BARD1: variants seen among roughly 807,000 people sequenced by gnomAD.
The protein encoded by BARD1 is BRCA1-associated RING domain protein 1.
BARD1 carries 73 observed loss-of-function variants against 77.0 expected under a neutral mutation model. The observed-to-expected ratio is 0.95, with a 90% confidence interval of 0.79 to 1.15. BARD1 has a LOEUF of 1.15. Among genes scored for constraint, BARD1 ranks in the 50% most tolerant of loss-of-function variants. The pLI is 0.00. For synonymous variants in BARD1, 384 were observed against 338.0 expected (o/e 1.14, Z -1.49); for missense variants, 993 against 938.8 (o/e 1.06, Z -0.75).
At chr2:214,783,361 A>G (rs749759875) in intron 3 of BARD1, among the ~76,000 whole-genome samples, 5 of 152,300 alleles carry the variant, frequency 3.3e-5, no homozygotes, top group Middle Eastern at 6.8e-3. Context: ...GCACATATAC[A>G]CCATGGAATA....
chr2:214,751,860 G>A (rs549841851), intron 7 of BARD1, among the ~76,000 whole-genome samples: 2 of 152,144 alleles, frequency 1.3e-5, no homozygotes, highest in South Asian at 2.1e-4. Flanking sequence ...TTTGATGCTC[G>A]CTAGTCTCCA....
chr2:214,808,371 T>C (rs529243283), intron 1 of BARD1, among the ~76,000 whole-genome samples: 3 of 152,334 alleles, frequency 2.0e-5, no homozygotes, highest in African/African-American at 7.2e-5. Context: ...ATCGTGCCAC[T>C]GCACTCCAGC....
intron 1 of BARD1, among the ~76,000 whole-genome samples, chr2:214,800,162 C>A (rs1390728328): frequency 2.0e-5 from 3 of 152,168 alleles, no homozygotes; most frequent in Non-Finnish European, 4.4e-5. Context: ...TAGTTCTTAA[C>A]CTTCACTCTA....
intron 2 of BARD1, among the ~76,000 whole-genome samples, chr2:214,794,690 C>T (rs1372657813): frequency 6.6e-6 from 1 of 152,116 alleles, no homozygotes; most frequent in Non-Finnish European, 1.5e-5. Flanking sequence ...GCACCCCTGC[C>T]ACATGTCTTA....
intron 9 of BARD1, chr2:214,730,981 TGTGCTTTAG>T (rs927980023): frequency 8.9e-6 from 4 of 451,232 alleles, no homozygotes; most frequent in African/African-American, 8.0e-5. Flanking sequence ...CATGAAGGAA[TGTGCTTTAG>T]TCTACAGCAC....
chr2:214,728,641 C>T lies in BARD1; in HGVS notation c.*35G>A. On this transcript the variant is annotated 3_prime_UTR_variant, in exon 11 of 11. Coordinates refer to ENST00000260947, the MANE Select transcript of BARD1 (RefSeq NM_000465.4). ...AATGACTGGGCTCTCACAAACCGTG[C>T]AAATTCAATTTGAAATGTTCATCTG... The T allele has an allele frequency of 6.2e-7, 1 of 1,607,626 alleles. No individual in the cohort carries two copies. The highest frequency in any genetic ancestry group is 8.5e-7 in the Non-Finnish European group (1 of 1,175,464).
intron 6 of BARD1, among the ~76,000 whole-genome samples, chr2:214,761,679 G>T (rs1693971925): frequency 6.6e-6 from 1 of 151,970 alleles, no homozygotes; most frequent in Non-Finnish European, 1.5e-5. Context: ...TGCAGAAGCT[G>T]AAAATCATTC....
At position 214,780,971 on chromosome 2, in the gene BARD1, C is replaced by T. The variant is rs1694982551; in HGVS notation, c.903G>A (p.Glu301=). The change falls in exon 4 of 11, where the codon GAG becomes GAA. Residue 301 remains glutamate (E), a synonymous_variant. Transcript: ENST00000260947. ...TKSRNEVVTP[E]KVCKNYLTSK... ...ATGTAAGATAATTTTTGCAGACCTT[C>T]TCAGGAGTCACTACTTCATTCCTGC... 6.2e-7 allele frequency: 1 copy of T among 1,613,674 alleles called. No individual in the cohort carries two copies. Among genetic ancestry groups the T allele is most frequent in the Non-Finnish European group, 8.5e-7 (1 of 1,179,774 alleles).
chr2:214,784,404 T>C (rs958253691), intron 3 of BARD1, among the ~76,000 whole-genome samples: 18 of 152,076 alleles, frequency 1.2e-4, no homozygotes, highest in African/African-American at 3.6e-4. Flanking sequence ...TGTGGAGAAA[T>C]AGAAACACAT....
chr2:214,779,611 C>T (rs17487827), intron 4 of BARD1, among the ~76,000 whole-genome samples: 2 of 151,966 alleles, frequency 1.3e-5, no homozygotes, highest in Admixed American at 6.6e-5. Flanking sequence ...AATCTTTGGA[C>T]CACACTCAAT....
chr2:214,799,130 T>C (rs971727664), intron 1 of BARD1, among the ~76,000 whole-genome samples: 1 of 151,524 alleles, frequency 6.6e-6, no homozygotes, highest in Non-Finnish European at 1.5e-5. Context: ...AATAAATAAA[T>C]AAAATTTTAA....
intron 4 of BARD1, among the ~76,000 whole-genome samples, chr2:214,778,912 A>G (rs1386084245): frequency 6.6e-6 from 1 of 152,318 alleles, no homozygotes; most frequent in East Asian, 1.9e-4. Flanking sequence ...AAAATTTCCC[A>G]GAAAGCAAAA....
At position 214,728,570 on chromosome 2, in the gene BARD1, G is replaced by GTTT. The variant is rs1692183658; in HGVS notation, c.*105_*106insAAA. The GTTT allele has an allele frequency of 1.3e-6, 1 of 786,598 alleles. No individual in the cohort carries two copies. 48.7% of individuals were successfully genotyped at this position (786,598 alleles called of 1,614,324 possible). A position where few individuals can be genotyped will look rare whatever the true frequency, so the allele number is the denominator to read the frequency against. On this transcript the variant is annotated 3_prime_UTR_variant, in exon 11 of 11. Coordinates refer to ENST00000260947, the MANE Select transcript of BARD1 (RefSeq NM_000465.4). ...TTTTTTTTGATTCAAAGACAAATATGAATGACTCTACCTATTTGTAAAAAT... is the reference window on the plus strand; with the variant it reads ...TTTTTTTTGATTCAAAGACAAATATGTTTAATGACTCTACCTATTTGTAAAAAT...
chr2:214,757,356 A>G (rs1206584956), intron 6 of BARD1, among the ~76,000 whole-genome samples: 1 of 152,054 alleles, frequency 6.6e-6, no homozygotes, highest in Non-Finnish European at 1.5e-5. Context: ...ATAATGTGGA[A>G]AATATGCTTT....
In BARD1 at chr2:214,781,155, A is replaced by G; in HGVS notation, c.719T>C (p.Val240Ala). 1 of 1,577,308 alleles carries G rather than the reference A, an allele frequency of 6.3e-7. No homozygotes were observed. Among genetic ancestry groups the G allele is most frequent in the African/African-American group, 1.4e-5 (1 of 73,034 alleles). Residue 240 changes from valine to alanine, a missense_variant, in exon 4 of 11, where the codon GTA becomes GCA. By Grantham distance (64) the Val-to-Ala change is moderately conservative. Transcript: ENST00000260947. ...DSKEESKQKLVSFCSQPSVIS... is the reference protein window; with the variant it reads ...DSKEESKQKLASFCSQPSVIS... ...AACAGATGGTTGGCTACAGAAGGAT[A>G]CCAGCTTTTGCTTAGATTCCTCTTT...
chr2:214,770,748 C>A (rs1210141358), intron 4 of BARD1, among the ~76,000 whole-genome samples: 2 of 152,092 alleles, frequency 1.3e-5, no homozygotes, highest in African/African-American at 4.8e-5. Flanking sequence ...AAATAGCTTC[C>A]CTCTGCTGCC....
intron 7 of BARD1, among the ~76,000 whole-genome samples, chr2:214,752,189 C>T (rs1693485400): frequency 6.6e-6 from 1 of 152,164 alleles, no homozygotes; most frequent in Admixed American, 6.5e-5. Context: ...TAAGCTCCTC[C>T]CTGAGAATAA....
chr2:214,767,363 T>C, intron 6 of BARD1, 119 bp downstream of exon 6: 2 of 953,852 alleles, frequency 2.1e-6, no homozygotes, highest in Non-Finnish European at 1.6e-6. Flanking sequence ...CACATCTAAT[T>C]TTAGTTGTGA....
chr2:214,740,266 T>G (rs1372121740), intron 9 of BARD1, among the ~76,000 whole-genome samples: 1 of 152,090 alleles, frequency 6.6e-6, no homozygotes, highest in Admixed American at 6.5e-5. Flanking sequence ...AAAGACCTGT[T>G]GTATCAGATG....
Sources: allele counts gnomAD v4.1 joint callset (sites outside exome capture counted in the v4.1 genomes callset), GRCh38; gene constraint gnomAD v4.1.1; transcripts MANE v1.5; gene names NCBI Gene and HGNC (gene_info 2026-07-23, HGNC 2026-07-21).